PCDHGA12: variants seen among roughly 807,000 people sequenced by gnomAD.
PCDHGA12 encodes the protein protocadherin gamma-A12.
A neutral mutation model predicts 61.1 loss-of-function variants in PCDHGA12; 43 were observed. That is an observed-to-expected ratio of 0.70 (90% CI 0.55 to 0.91). The LOEUF is 0.91. Ranked by LOEUF, PCDHGA12 falls within the 40% of genes least tolerant of loss-of-function variation. The pLI, the probability that PCDHGA12 is intolerant of heterozygous loss-of-function variation, is 0.00. For synonymous variants in PCDHGA12, 520 were observed against 542.9 expected, an observed-to-expected ratio of 0.96 and a Z score of 0.59; for missense variants, 1,236 against 1,227.7, an observed-to-expected ratio of 1.01 and a Z score of -0.10.
chr5:141,486,161 A>G lies in PCDHGA12; in HGVS notation c.2425-8646A>G. 1 of 1,614,216 alleles carries G rather than the reference A, an allele frequency of 6.2e-7. No individual in the cohort carries two copies. The highest frequency in any genetic ancestry group is 8.5e-7 in the Non-Finnish European group (1 of 1,180,038). ...GGCTCGCGATGGGGGTTCTCCAGCC[A>G]TGGAGCAACATTGCAGCCTTCGAGT... On this transcript the variant is annotated intron_variant, in intron 1 of 3. Coordinates refer to ENST00000252085, the MANE Select transcript of PCDHGA12 (RefSeq NM_003735.3). The surrounding 1 kb of genome is among the most constrained non-coding windows in gnomAD (Gnocchi z 5.0).
intron 1 of PCDHGA12, among the ~76,000 whole-genome samples, chr5:141,481,309 T>C (rs577046585): frequency 2.6e-4 from 39 of 152,310 alleles, no homozygotes; most frequent in African/African-American, 9.1e-4. Context: ...GGAAAAACCT[T>C]CCTAAAGCAC....
In PCDHGA12 at chr5:141,486,403, T is replaced by C; in HGVS notation, c.2425-8404T>C. ...GGAACCAGTTCTCCCTGGTGACTGC[T>C]GGACCCTTGGATCGAGAGGCCAAAT... On this transcript the variant is annotated intron_variant, in intron 1 of 3. Coordinates refer to ENST00000252085, the MANE Select transcript of PCDHGA12 (RefSeq NM_003735.3). This position sits in a 1 kb window ranked among gnomAD's most constrained non-coding sequence, Gnocchi z 5.0. The C allele has an allele frequency of 6.2e-7, 1 of 1,614,212 alleles. No individual in the cohort carries two copies. Among genetic ancestry groups the C allele is most frequent in the Non-Finnish European group, 8.5e-7 (1 of 1,180,034 alleles).
At chr5:141,433,612 G>A (rs1181458593) in intron 1 of PCDHGA12, among the ~76,000 whole-genome samples, 1 of 152,082 alleles carries the variant, frequency 6.6e-6, no homozygotes, top group Non-Finnish European at 1.5e-5. Context: ...GAGGCGGGTG[G>A]ATCACCTGAG....
chr5:141,503,268 C>A (rs1038268807), intron 2 of PCDHGA12, among the ~76,000 whole-genome samples: 6 of 152,068 alleles, frequency 3.9e-5, no homozygotes, highest in African/African-American at 7.2e-5. Context: ...AACCCCAGCA[C>A]CTGGCTCTGT....
At position 141,486,637 on chromosome 5, in the gene PCDHGA12, G is replaced by C. The variant is rs761072169; in HGVS notation, c.2425-8170G>C. 28 of 1,613,638 alleles carry C rather than the reference G, an allele frequency of 1.7e-5. No homozygotes were observed. The highest frequency in any genetic ancestry group is 1.1e-5 in the Non-Finnish European group (13 of 1,180,034). ...CTGACCCAGACTCTGGCTTGAATGC[G>C]CTTATCTCCTACTCACTCCTGGAGC... On this transcript the variant is annotated intron_variant, in intron 1 of 3. Transcript: ENST00000252085. This position sits in a 1 kb window ranked among gnomAD's most constrained non-coding sequence, Gnocchi z 5.0.
intron 1 of PCDHGA12, among the ~76,000 whole-genome samples, chr5:141,470,142 A>G (rs1308458765): frequency 6.6e-6 from 1 of 152,044 alleles, no homozygotes; most frequent in Non-Finnish European, 1.5e-5. Context: ...AAAAAAGATC[A>G]TAGATCATCT....
chr5:141,487,314 A>G lies in PCDHGA12; in HGVS notation c.2425-7493A>G. ...GGCTCATTCGTGGCACTACTCTCTAAGTGTCTTCGTGGGGCAGCCTGTGGA... is the reference window on the plus strand; with the variant it reads ...GGCTCATTCGTGGCACTACTCTCTAGGTGTCTTCGTGGGGCAGCCTGTGGA... On this transcript the variant is annotated intron_variant, in intron 1 of 3. Transcript: ENST00000252085. The surrounding 1 kb of genome is among the most constrained non-coding windows in gnomAD (Gnocchi z 5.0). The G allele has an allele frequency of 6.2e-7, 1 of 1,614,002 alleles. No individual in the cohort carries two copies. Among genetic ancestry groups the G allele is most frequent in the African/African-American group, 1.3e-5 (1 of 74,994 alleles).
chr5:141,497,197 A>G (rs1243476120), intron 2 of PCDHGA12, among the ~76,000 whole-genome samples: 2 of 106,804 alleles, frequency 1.9e-5, no homozygotes, highest in African/African-American at 5.7e-5. Flanking sequence ...GCAGAGAACA[A>G]TGTGAGTGTA....
intron 1 of PCDHGA12, among the ~76,000 whole-genome samples, chr5:141,460,934 G>GTA (rs2099001529): frequency 2.7e-5 from 4 of 149,622 alleles, no homozygotes; most frequent in African/African-American, 9.9e-5. Context: ...ATGTGTGTGT[G>GTA]TATATATATG....
At position 141,489,099 on chromosome 5, in the gene PCDHGA12, G is replaced by C; in HGVS notation, c.2425-5708G>C. 5.5e-6 allele frequency: 2 copies of C among 361,982 alleles called. No homozygotes were observed. The highest frequency in any genetic ancestry group is 5.0e-5 in the South Asian group (1 of 19,862). 22.4% of individuals were successfully genotyped at this position (361,982 alleles called of 1,614,324 possible). On this transcript the variant is annotated intron_variant, in intron 1 of 3. Coordinates refer to ENST00000252085, the MANE Select transcript of PCDHGA12 (RefSeq NM_003735.3). The surrounding 1 kb of genome is among the most constrained non-coding windows in gnomAD (Gnocchi z 4.5). Reference sequence around the variant, plus strand: ...CCCCGCCACTCGGTGACTAAGAACTGCTGCAAGCAGGCAAACCTCCGAGCA... The same window carrying C: ...CCCCGCCACTCGGTGACTAAGAACTCCTGCAAGCAGGCAAACCTCCGAGCA...
chr5:141,440,671 T>C (rs2098194169), intron 1 of PCDHGA12: 1 of 152,210 alleles, frequency 6.6e-6, no homozygotes, highest in African/African-American at 2.4e-5. Context: ...CAACTCTATA[T>C]TTCTCTTTGA....
chr5:141,447,854 G>A (rs1480134238), intron 1 of PCDHGA12, among the ~76,000 whole-genome samples: 1 of 152,200 alleles, frequency 6.6e-6, no homozygotes, highest in Non-Finnish European at 1.5e-5. Flanking sequence ...GGGAGGCCGA[G>A]GTGGGTGAAT....
chr5:141,462,243 A>C (rs141980823), intron 1 of PCDHGA12, among the ~76,000 whole-genome samples: 70 of 152,368 alleles, frequency 4.6e-4, no homozygotes, highest in African/African-American at 1.6e-3. Flanking sequence ...TACAGGTATG[A>C]GCCACCATGA....
chr5:141,463,359 T>C (rs2099057442), intron 1 of PCDHGA12, among the ~76,000 whole-genome samples: 2 of 151,672 alleles, frequency 1.3e-5, no homozygotes, highest in Admixed American at 6.6e-5. Flanking sequence ...GGATTTCCCC[T>C]TTCCTGCCCC....
At chr5:141,506,382 G>T (rs1311307230) in intron 3 of PCDHGA12, among the ~76,000 whole-genome samples, 1 of 151,500 alleles carries the variant, frequency 6.6e-6, no homozygotes, top group East Asian at 1.9e-4. Flanking sequence ...CTGGGAGGTG[G>T]CTGTGGTGAG....
intron 1 of PCDHGA12, among the ~76,000 whole-genome samples, chr5:141,464,444 T>C (rs2099084887): frequency 6.6e-6 from 1 of 151,634 alleles, no homozygotes; most frequent in East Asian, 1.9e-4. Context: ...TGTTTGTTGT[T>C]GTTGTTGTTA....
chr5:141,504,907 A>G (rs2099841813), intron 2 of PCDHGA12, among the ~76,000 whole-genome samples: 1 of 152,100 alleles, frequency 6.6e-6, no homozygotes, highest in African/African-American at 2.4e-5. Context: ...TCACTATGAC[A>G]GGAAGCCAGG....
In PCDHGA12 at chr5:141,494,860, C is replaced by T. The variant is rs372794752; in HGVS notation, c.2478C>T (p.Thr826=). Residue 826 remains threonine, a synonymous_variant, in exon 2 of 4, where the codon ACC becomes ACT. Coordinates refer to ENST00000252085, the MANE Select transcript of PCDHGA12 (RefSeq NM_003735.3). ...TCTCTCAGGCCCAGAGACCCGGCAC[C>T]AGCGGGTAGGTGACTGATTCTCCAG... ...WRFSQAQRPG[T]SGSQNGDDTG... 5.6e-6 allele frequency: 9 copies of T among 1,614,032 alleles called. No homozygotes were observed. Among genetic ancestry groups the T allele is most frequent in the Non-Finnish European group, 7.6e-6 (9 of 1,180,024 alleles).
Position 141,486,397 on chromosome 5 carries a change from G to A in PCDHGA12, c.2425-8410G>A, listed in dbSNP as rs778989869. The A allele has an allele frequency of 5.0e-6, 8 of 1,614,046 alleles. No individual in the cohort carries two copies. The South Asian group carries it at 7.7e-5, about 16-fold the overall frequency. ...CCTTCAGGAACCAGTTCTCCCTGGT[G>A]ACTGCTGGACCCTTGGATCGAGAGG... On this transcript the variant is annotated intron_variant, in intron 1 of 3. Transcript: ENST00000252085. The surrounding 1 kb of genome is among the most constrained non-coding windows in gnomAD (Gnocchi z 5.0).
Sources: gnomAD v4.1 joint callset for allele counts (sites outside exome capture counted in the v4.1 genomes callset) on GRCh38, gnomAD v4.1.1 for gene constraint, Gnocchi (gnomAD v3.1) non-coding constraint, MANE v1.5 for transcripts, NCBI Gene and HGNC (gene_info 2026-07-23, HGNC 2026-07-21) for gene names.